The following ARNT variants were observed in gnomAD, a reference collection of about 807,000 sequenced individuals.
The protein encoded by ARNT is class E basic helix-loop-helix protein 2.
ARNT carries 30 observed loss-of-function variants against 105.0 expected under a neutral mutation model. That is an observed-to-expected ratio of 0.29 (90% CI 0.21 to 0.39). The LOEUF is 0.39. Among genes scored for constraint, ARNT ranks in the 10% least tolerant of loss-of-function variants. The pLI, the probability that ARNT is intolerant of heterozygous loss-of-function variation, is 1.00. For missense variants in ARNT, 748 were observed against 978.7 expected, an observed-to-expected ratio of 0.76 and a Z score of 3.15; for synonymous variants, 304 against 344.0, an observed-to-expected ratio of 0.88 and a Z score of 1.29.
At chr1:150,816,728 T>G in intron 18 of ARNT, 60 bp downstream of exon 18, 1 of 1,469,950 alleles carries the variant, frequency 6.8e-7, no homozygotes, top group South Asian at 1.4e-5. Flanking sequence ...GAATAAAATT[T>G]GGATTCAGCA....
intron 5 of ARNT, among the ~76,000 whole-genome samples, chr1:150,840,438 A>G (rs756797721): frequency 2.0e-5 from 3 of 152,232 alleles, no homozygotes; most frequent in Non-Finnish European, 4.4e-5. Flanking sequence ...TAGCTGATAC[A>G]AGAATTGATA....
chr1:150,851,460 T>C (rs1475818445), intron 3 of ARNT, among the ~76,000 whole-genome samples: 3 of 152,266 alleles, frequency 2.0e-5, no homozygotes, highest in Non-Finnish European at 4.4e-5. Flanking sequence ...AGATTGTTGC[T>C]GTGTCTGTGT....
chr1:150,815,149 C>T (rs1479194846), intron 19 of ARNT, among the ~76,000 whole-genome samples: 1 of 151,958 alleles, frequency 6.6e-6, no homozygotes, highest in Non-Finnish European at 1.5e-5. Context: ...TTGGTTTTGA[C>T]TTTTTAAAAC....
chr1:150,818,334 G>C (rs1202726028), intron 14 of ARNT: 3 of 224,626 alleles, frequency 1.3e-5, no homozygotes, highest in African/African-American at 6.8e-5. Context: ...TAAAAGCATA[G>C]GTAAAAAAAT....
Position 150,823,243 on chromosome 1 carries a change from G to C in ARNT, c.1345C>G (p.Pro449Ala), listed in dbSNP as rs1252358933. ...ATGTACTCAATTTCATCTGAGTAAG[G>C]GTTCTGGAAAGTAAAGGAGCTGGTT... ...MRTSSFTFQN[P>A]YSDEIEYIIC... The change falls in exon 14 of 22, where the codon CCT becomes GCT. Residue 449 changes from proline to alanine, a missense_variant. Physicochemically the swap from Pro to Ala is conservative, Grantham distance 27 (BLOSUM62 -1). Transcript: ENST00000358595. The C allele has an allele frequency of 1.9e-6, 3 of 1,613,872 alleles. No homozygotes were observed. The highest frequency in any genetic ancestry group is 1.7e-5 in the Admixed American group (1 of 60,002).
chr1:150,851,572 T>C (rs930419550), intron 3 of ARNT, among the ~76,000 whole-genome samples: 2 of 152,252 alleles, frequency 1.3e-5, no homozygotes, highest in Non-Finnish European at 2.9e-5. Flanking sequence ...AACCCAGTGC[T>C]CTCTGAAACA....
At chr1:150,834,919 C>G in intron 7 of ARNT, 1 of 347,232 alleles carries the variant, frequency 2.9e-6, no homozygotes, top group Non-Finnish European at 5.6e-6. Flanking sequence ...AGAGGCAAGG[C>G]TATATTCTCA....
At chr1:150,850,413 CT>C (rs1014533580) in intron 3 of ARNT, among the ~76,000 whole-genome samples, 1 of 152,224 alleles carries the variant, frequency 6.6e-6, no homozygotes, top group Non-Finnish European at 1.5e-5. Flanking sequence ...TGCCGAGTGC[CT>C]GCGATTGCAG....
chr1:150,872,846 C>T (rs1449865972), intron 1 of ARNT, among the ~76,000 whole-genome samples: 1 of 152,058 alleles, frequency 6.6e-6, no homozygotes, highest in Non-Finnish European at 1.5e-5. Flanking sequence ...CCTGTGGTCC[C>T]ACCTACTCAG....
chr1:150,859,897 C>A (rs777273165), intron 1 of ARNT, among the ~76,000 whole-genome samples: 1 of 151,822 alleles, frequency 6.6e-6, no homozygotes, highest in Non-Finnish European at 1.5e-5. Context: ...GTCCCAGCTA[C>A]TCAAGAGGTT....
intron 3 of ARNT, among the ~76,000 whole-genome samples, chr1:150,847,209 G>A (rs1353179446): frequency 6.6e-6 from 1 of 152,092 alleles, no homozygotes; most frequent in African/African-American, 2.4e-5. Context: ...ACACTGGGCG[G>A]ATCACGAAGT....
intron 3 of ARNT, among the ~76,000 whole-genome samples, chr1:150,848,594 C>T (rs1662705733): frequency 6.6e-6 from 1 of 152,134 alleles, no homozygotes; most frequent in Non-Finnish European, 1.5e-5. Flanking sequence ...AGTGGCGCAA[C>T]CTCGGCTCAC....
intron 1 of ARNT, among the ~76,000 whole-genome samples, chr1:150,865,546 TAC>T (rs1666422784): frequency 6.6e-6 from 1 of 152,220 alleles, no homozygotes; most frequent in South Asian, 2.1e-4. Flanking sequence ...ATCTGTTTAC[TAC>T]AGAGATGGAT....
intron 1 of ARNT, among the ~76,000 whole-genome samples, chr1:150,861,738 C>CA (rs951035905): frequency 8.8e-4 from 133 of 151,446 alleles, no homozygotes; most frequent in African/African-American, 2.9e-3. Flanking sequence ...AATTTTTACC[C>CA]AAAAAAAAGG....
intron 2 of ARNT, among the ~76,000 whole-genome samples, chr1:150,856,996 T>G (rs906464064): frequency 2.6e-5 from 4 of 150,956 alleles, no homozygotes; most frequent in African/African-American, 9.8e-5. Flanking sequence ...CTTTAATATA[T>G]TTTTCTGATT....
chr1:150,850,553 G>T (rs1318284062), intron 3 of ARNT, among the ~76,000 whole-genome samples: 1 of 152,222 alleles, frequency 6.6e-6, no homozygotes, highest in Non-Finnish European at 1.5e-5. Context: ...CGAGGTGCCG[G>T]GATTGCAGAC....
chr1:150,864,476 A>C (rs1440516230), intron 1 of ARNT, among the ~76,000 whole-genome samples: 2 of 151,916 alleles, frequency 1.3e-5, no homozygotes, highest in African/African-American at 4.8e-5. Context: ...CATGGACGAA[A>C]TTGGAAATCA....
chr1:150,863,234 C>T (rs865809831), intron 1 of ARNT, among the ~76,000 whole-genome samples: 1 of 151,128 alleles, frequency 6.6e-6, no homozygotes, highest in Non-Finnish European at 1.5e-5. Flanking sequence ...TGGTGGTACA[C>T]GTCTATAATC....
At position 150,846,252 on chromosome 1, in the gene ARNT, T is replaced by C. The variant is rs1487360684; in HGVS notation, c.227+11A>G. The C allele has an allele frequency of 6.2e-7, 1 of 1,605,074 alleles. No homozygotes were observed. Among genetic ancestry groups the C allele is most frequent in the African/African-American group, 1.3e-5 (1 of 74,700 alleles). ...TTATATATTACAATATATTACCTAC[T>C]ACAATATTACCTGGCAAACCGCTCC... On this transcript the variant is annotated intron_variant, in intron 4 of 21. Transcript: ENST00000358595.
Sources: gnomAD v4.1 joint callset for allele counts (sites outside exome capture counted in the v4.1 genomes callset) on GRCh38, gnomAD v4.1.1 for gene constraint, MANE v1.5 for transcripts, NCBI Gene and HGNC (gene_info 2026-07-23, HGNC 2026-07-21) for gene names.